DEGS2: variants seen among roughly 807,000 people sequenced by gnomAD.
DEGS2 encodes the protein sphingolipid delta(4)-desaturase/C4-monooxygenase DES2.
DEGS2 carries 19 observed loss-of-function variants against 23.8 expected under a neutral mutation model. The observed-to-expected ratio is 0.80, with a 90% CI of 0.56 to 1.17. The LOEUF is 1.17. Among genes scored for constraint, DEGS2 ranks in the 50% most tolerant of loss-of-function variants. DEGS2 has a pLI of 0.00. For synonymous variants in DEGS2, 218 were observed against 213.7 expected, an observed-to-expected ratio of 1.02 and a Z score of -0.18; for missense variants, 390 against 459.5, an observed-to-expected ratio of 0.85 and a Z score of 1.38.
chr14:100,164,183 T>C (rs900935811), upstream of DEGS2, among the ~76,000 whole-genome samples: 4 of 151,922 alleles, frequency 2.6e-5, no homozygotes, highest in Admixed American at 1.3e-4. Context: ...TCTTCCTGCC[T>C]CGGCCTCCCA....
chr14:100,149,187 G>T lies in DEGS2; in HGVS notation c.606C>A (p.Ala202=). 1 of 1,612,702 alleles carries T rather than the reference G, an allele frequency of 6.2e-7. No individual in the cohort carries two copies. The highest frequency in any genetic ancestry group is 8.5e-7 in the Non-Finnish European group (1 of 1,179,824). The part of the protein sequence containing the change: ...VQLAADLAIF[A]LWGLKPVVYL... ...AGACCACGGGCTTGAGCCCCCAAAG[G>T]GCAAAGATGGCCAGGTCGGCCGCCA... Residue 202 remains alanine, a synonymous_variant, in exon 2 of 3, where the codon GCC becomes GCA. Transcript: ENST00000305631.
chr14:100,155,585 G>A (rs996345448), intron 1 of DEGS2: 6 of 138,958 alleles, frequency 4.3e-5, no homozygotes, highest in East Asian at 2.3e-4. Flanking sequence ...GCCCCCGTAC[G>A]TTACAGAGAT....
chr14:100,145,372 T>G lies in DEGS2; in HGVS notation c.*1389A>C, dbSNP rs1889423562. The G allele has an allele frequency of 6.6e-6, 1 of 152,082 alleles. No homozygotes were observed. The highest frequency in any genetic ancestry group is 1.5e-5 in the Non-Finnish European group (1 of 67,992). The allele number at this position is 152,082 out of a possible 1,614,324, so 9.4% of individuals were successfully genotyped here. On this transcript the variant is annotated 3_prime_UTR_variant, in exon 3 of 3. Coordinates refer to ENST00000305631, the MANE Select transcript of DEGS2 (RefSeq NM_206918.3). The stretch of plus-strand genomic sequence containing the variant: ...GTCCTGGTGCCGGGGCCAGCAGCAC[T>G]TCCTTTGCAGAACAAGTCCTGGGCT...
chr14:100,161,431 C>A (rs1237739040), upstream of DEGS2, among the ~76,000 whole-genome samples: 1 of 152,164 alleles, frequency 6.6e-6, no homozygotes, highest in Non-Finnish European at 1.5e-5. Flanking sequence ...CTCCCCAAGT[C>A]CCTGGGGAGC....
At chr14:100,161,507 T>A (rs1182656493), upstream of DEGS2, among the ~76,000 whole-genome samples, 4 of 152,210 alleles carry the variant, frequency 2.6e-5, no homozygotes, top group Non-Finnish European at 5.9e-5. Context: ...ACCCTGTCCG[T>A]TGTCCCAGAA....
At chr14:100,152,365 CAG>C (rs1276257807) in intron 1 of DEGS2, among the ~76,000 whole-genome samples, 1 of 152,102 alleles carries the variant, frequency 6.6e-6, no homozygotes, top group African/African-American at 2.4e-5. Flanking sequence ...CAAGGGGACT[CAG>C]GAACTCCTCG....
upstream of DEGS2, among the ~76,000 whole-genome samples, chr14:100,162,720 C>T (rs952063496): frequency 6.6e-5 from 10 of 152,218 alleles, no homozygotes; most frequent in African/African-American, 2.4e-4. Context: ...TCCCTCCACA[C>T]CCCCATTTCC....
Position 100,147,865 on chromosome 14 carries a change from G to A in DEGS2, c.826-958C>T, listed in dbSNP as rs527304737. Among the ~76,000 whole-genome samples, 9 of 151,968 alleles carry A rather than the reference G, an allele frequency of 5.9e-5. No individual in the cohort carries two copies. The East Asian group carries it at 1.4e-3, about 23-fold the overall frequency. ...AACTTGCTCTGCCATCTCCTGAGGC[G>A]GGCACCTCTCCCCTCCGCCCCGTCA... On this transcript the variant is annotated intron_variant, in intron 2 of 2. Transcript: ENST00000305631.
At chr14:100,163,029 G>A (rs1419714811), upstream of DEGS2, among the ~76,000 whole-genome samples, 5 of 152,150 alleles carry the variant, frequency 3.3e-5, no homozygotes, top group Non-Finnish European at 4.4e-5. Context: ...AAGGGCAACC[G>A]ACCCAAGAAG....
rs948752113 is a variant in DEGS2, at chr14:100,144,179, G to C, written c.*2582C>G. On this transcript the variant is annotated 3_prime_UTR_variant, in exon 3 of 3. Transcript: ENST00000305631. ...CCCCAGCGCTCATGGTGTTGAAACTGTCTGTCATGCACCACGGTGTCTGTG... is the reference window on the plus strand; with the variant it reads ...CCCCAGCGCTCATGGTGTTGAAACTCTCTGTCATGCACCACGGTGTCTGTG... 1.1e-5 allele frequency: 2 copies of C among 190,104 alleles called. No homozygotes were observed. Among genetic ancestry groups the C allele is most frequent in the African/African-American group, 2.4e-5 (1 of 42,310 alleles). 11.8% of individuals were successfully genotyped at this position (190,104 alleles called of 1,614,324 possible).
intron 1 of DEGS2, among the ~76,000 whole-genome samples, chr14:100,151,255 T>A (rs977280130): frequency 6.6e-6 from 1 of 152,228 alleles, no homozygotes; most frequent in Non-Finnish European, 1.5e-5. Context: ...GGTACTATTG[T>A]CATTAAAGGA....
chr14:100,159,306 C>G (rs1889710190), intron 1 of DEGS2, among the ~76,000 whole-genome samples, 200 bp downstream of exon 1: 1 of 152,216 alleles, frequency 6.6e-6, no homozygotes, highest in Non-Finnish European at 1.5e-5. Flanking sequence ...CCTCAGGTCC[C>G]AGGGAGTTTC....
At chr14:100,163,930 G>T (rs1473445793), upstream of DEGS2, among the ~76,000 whole-genome samples, 3 of 152,220 alleles carry the variant, frequency 2.0e-5, no homozygotes, top group African/African-American at 7.2e-5. Context: ...GGGTTTTGTG[G>T]CCCGGCGAGG....
intron 1 of DEGS2, among the ~76,000 whole-genome samples, chr14:100,149,975 G>A (rs118009649): frequency 0.027 from 4,047 of 152,310 alleles, 79 homozygotes; most frequent in Non-Finnish European, 0.04. Flanking sequence ...GCTGCTCCCC[G>A]AGCCAGGCCT....
rs1300132668 is a variant in DEGS2, at chr14:100,158,278, G to A, written c.82+1228C>T. ...ACAAAAAAAATAGCCGGGCATAGTG[G>A]TACACACCTGCAGTCTCAACTACTC... On this transcript the variant is annotated intron_variant, in intron 1 of 2. Transcript: ENST00000305631. 2.0e-5 allele frequency among the ~76,000 whole-genome samples: 3 copies of A among 152,072 alleles called. No individual in the cohort carries two copies. In the East Asian group the frequency reaches 5.8e-4, roughly 29 times the overall value.
intron 1 of DEGS2, among the ~76,000 whole-genome samples, chr14:100,152,496 G>A (rs553886552): frequency 6.6e-6 from 1 of 152,268 alleles, no homozygotes; most frequent in South Asian, 2.1e-4. Context: ...CAATCAGCTA[G>A]GGCCCCGATA....
At position 100,149,522 on chromosome 14, in the gene DEGS2, T is replaced by C; in HGVS notation, c.271A>G (p.Ile91Val). 6.2e-7 allele frequency: 1 copy of C among 1,603,470 alleles called. No homozygotes were observed. Among genetic ancestry groups the C allele is most frequent in the Non-Finnish European group, 8.5e-7 (1 of 1,176,576 alleles). The change falls in exon 2 of 3, where the codon ATC becomes GTC. Residue 91 changes from isoleucine to valine, a missense_variant. Coordinates refer to ENST00000305631, the MANE Select transcript of DEGS2 (RefSeq NM_206918.3). ...NHSLTLAIHD[I>V]SHNAAFGTGR... Reference sequence around the variant, plus strand: ...GTGCCGAAGGCCGCGTTGTGCGAGATGTCGTGGATGGCCAGCGTCAGCGAG... The same window carrying C: ...GTGCCGAAGGCCGCGTTGTGCGAGACGTCGTGGATGGCCAGCGTCAGCGAG...
chr14:100,148,838 T>C, intron 2 of DEGS2, 130 bp downstream of exon 2: 1 of 1,085,062 alleles, frequency 9.2e-7, no homozygotes, highest in Non-Finnish European at 1.3e-6. Context: ...CAAGTGCAAG[T>C]GGCCATGCCA....
chr14:100,148,186 C>T (rs561745723), intron 2 of DEGS2, among the ~76,000 whole-genome samples: 4 of 152,346 alleles, frequency 2.6e-5, no homozygotes, highest in East Asian at 3.9e-4. Flanking sequence ...CGTGTGCGCA[C>T]GCCCAGGCAC....
Sources: gnomAD v4.1 joint callset for allele counts (sites outside exome capture counted in the v4.1 genomes callset) on GRCh38, gnomAD v4.1.1 for gene constraint, MANE v1.5 for transcripts, NCBI Gene and HGNC (gene_info 2026-07-23, HGNC 2026-07-21) for gene names.